MRAP: variants seen among roughly 807,000 people sequenced by gnomAD.
MRAP encodes the protein melanocortin-2 receptor accessory protein.
A neutral mutation model predicts 8.7 loss-of-function variants in MRAP; 8 were observed. The ratio of observed to expected loss-of-function variants is 0.92; its 90% CI spans 0.54 to 1.66. The LOEUF is 1.66. Among genes scored for constraint, MRAP ranks in the 40% most tolerant of loss-of-function variants. The pLI is 0.00. For missense variants in MRAP, 237 were observed against 217.1 expected, an observed-to-expected ratio of 1.09 and a Z score of -0.58; for synonymous variants, 95 against 95.5, an observed-to-expected ratio of 1.00 and a Z score of 0.03.
At chr21:32,298,815 A>G, upstream of MRAP, 7 of 654,560 alleles carry the variant, frequency 1.1e-5, no homozygotes, top group South Asian at 1.1e-4. Context: ...TTCCAGCCAA[A>G]TAGCTCTGAT....
intron 1 of MRAP, among the ~76,000 whole-genome samples, chr21:32,300,868 GTCCTATGTCGGGTGTCATGCA>G (rs2032274707): frequency 6.6e-6 from 1 of 150,684 alleles, no homozygotes; most frequent in Non-Finnish European, 1.5e-5. Context: ...GGCGTCATGC[GTCCTATGTCGGGTGTCATGCA>G]TCCTATGTCG....
At chr21:32,299,467 T>C (rs1177428552) in intron 1 of MRAP, among the ~76,000 whole-genome samples, 1 of 152,128 alleles carries the variant, frequency 6.6e-6, no homozygotes, top group Non-Finnish European at 1.5e-5. Context: ...CCCAAGTAAC[T>C]GAGACTATGG....
intron 1 of MRAP, 24 bp from the exon 2 acceptor site, chr21:32,306,616 G>A (rs1466307338): frequency 6.2e-7 from 1 of 1,605,858 alleles, no homozygotes; most frequent in Admixed American, 1.7e-5. Flanking sequence ...ACCCAGCGCT[G>A]AGATGCATCT....
downstream of MRAP, chr21:32,314,363 T>G (rs2032643982): frequency 6.7e-5 from 35 of 519,994 alleles, 1 homozygote; most frequent in South Asian, 6.5e-4. Flanking sequence ...TTTTGTATTT[T>G]TAGTAGAGAT....
intron 1 of MRAP, among the ~76,000 whole-genome samples, chr21:32,304,311 G>A (rs2032352370): frequency 6.6e-6 from 1 of 152,104 alleles, no homozygotes; most frequent in Admixed American, 6.5e-5. Flanking sequence ...AGAGTCAGAG[G>A]CTTCTTTCAA....
At chr21:32,311,196 C>T (rs117017659) in intron 2 of MRAP, 36 of 162,458 alleles carry the variant, frequency 2.2e-4, no homozygotes, top group Non-Finnish European at 3.8e-4. Flanking sequence ...CTTACTATCA[C>T]GAGAACAGCA....
Position 32,298,898 on chromosome 21 carries a change from C to T in MRAP, c.-74C>T. The T allele has an allele frequency of 9.7e-7, 1 of 1,033,782 alleles. No individual in the cohort carries two copies. Among genetic ancestry groups the T allele is most frequent in the Non-Finnish European group, 1.5e-6 (1 of 659,904 alleles). The allele number at this position is 1,033,782 out of a possible 1,614,324, so 64.0% of individuals were successfully genotyped here. A position where few individuals can be genotyped will look rare whatever the true frequency, so the allele number is the denominator to read the frequency against. ...TTCCTGCAGAAATCAGTGAGGCAGT[C>T]TCCTCCCAGGGGCTTGGCGCCTGGC... On this transcript the variant is annotated 5_prime_UTR_variant, in exon 1 of 3. Transcript: ENST00000303645.
intron 2 of MRAP, 184 bp downstream of exon 2, chr21:32,306,923 C>G: frequency 1.5e-6 from 1 of 661,038 alleles, no homozygotes; most frequent in South Asian, 1.6e-5. Flanking sequence ...AATATTCCAG[C>G]GAGCATTTCC....
upstream of MRAP, among the ~76,000 whole-genome samples, chr21:32,295,198 G>A (rs925858429): frequency 2.6e-5 from 4 of 152,094 alleles, no homozygotes; most frequent in East Asian, 1.9e-4. Context: ...AGGAGTGAAC[G>A]CTTATTAGAA....
intron 1 of MRAP, among the ~76,000 whole-genome samples, chr21:32,300,809 A>AT (rs1555897805): frequency 2.2e-5 from 3 of 137,384 alleles, no homozygotes; most frequent in African/African-American, 5.5e-5. Context: ...ATCCTATGTC[A>AT]GGGGCGTCAT....
At chr21:32,309,013 G>A (rs1601107854) in intron 2 of MRAP, among the ~76,000 whole-genome samples, 1 of 152,158 alleles carries the variant, frequency 6.6e-6, no homozygotes, top group Non-Finnish European at 1.5e-5. Context: ...CTCGCGCATT[G>A]GCACAGCGTC....
upstream of MRAP, among the ~76,000 whole-genome samples, chr21:32,297,470 G>T (rs535245355): frequency 1.3e-5 from 2 of 152,360 alleles, no homozygotes; most frequent in South Asian, 4.1e-4. Flanking sequence ...GGTGCTGGGA[G>T]GGTGTGCACC....
chr21:32,297,595 A>G (rs1467245190), upstream of MRAP, among the ~76,000 whole-genome samples: 5 of 152,044 alleles, frequency 3.3e-5, no homozygotes, highest in African/African-American at 1.2e-4. Flanking sequence ...CTAGTAAGTG[A>G]ACTGTTTGAC....
At chr21:32,305,863 C>T (rs750232663) in intron 1 of MRAP, among the ~76,000 whole-genome samples, 2 of 152,018 alleles carry the variant, frequency 1.3e-5, no homozygotes, top group African/African-American at 4.8e-5. Context: ...CTAACATTCC[C>T]AAACTGGAGC....
intron 1 of MRAP, among the ~76,000 whole-genome samples, chr21:32,303,777 C>G (rs990885229): frequency 7.9e-5 from 12 of 152,230 alleles, no homozygotes; most frequent in African/African-American, 2.9e-4. Flanking sequence ...GAAATGTTCT[C>G]TCCAAGCACT....
At chr21:32,295,775 A>G (rs2032128890), upstream of MRAP, among the ~76,000 whole-genome samples, 1 of 152,140 alleles carries the variant, frequency 6.6e-6, no homozygotes, top group Non-Finnish European at 1.5e-5. Context: ...CAGGAGTTCG[A>G]GACCAGCCTG....
intron 1 of MRAP, among the ~76,000 whole-genome samples, chr21:32,300,647 G>GT (rs1288250865): frequency 1.4e-5 from 2 of 147,628 alleles, no homozygotes; most frequent in African/African-American, 2.5e-5. Context: ...CACGTCCTAT[G>GT]CCGGGGGCGT....
intron 1 of MRAP, among the ~76,000 whole-genome samples, chr21:32,304,950 T>C (rs1418228822): frequency 6.9e-6 from 1 of 144,718 alleles, no homozygotes; most frequent in African/African-American, 2.6e-5. Flanking sequence ...TTGAGGGGGA[T>C]TTGTTTTTTT....
At chr21:32,303,837 A>AT (rs758660323) in intron 1 of MRAP, among the ~76,000 whole-genome samples, 5 of 152,062 alleles carry the variant, frequency 3.3e-5, no homozygotes, top group Non-Finnish European at 5.9e-5. Flanking sequence ...TCTCTTGCCT[A>AT]TTTTTTTTCA....
Sources: gnomAD v4.1 joint callset for allele counts (sites outside exome capture counted in the v4.1 genomes callset) on GRCh38, gnomAD v4.1.1 for gene constraint, MANE v1.5 for transcripts, NCBI Gene and HGNC (gene_info 2026-07-23, HGNC 2026-07-21) for gene names.